Variants in NEMP2 observed in about 807,000 individuals in gnomAD.
The protein encoded by NEMP2 is nuclear envelope integral membrane protein 2.
Under a neutral mutation model 54.2 loss-of-function variants are expected in NEMP2, and 53 were observed. That is an observed-to-expected ratio of 0.98 (90% CI 0.78 to 1.23). The LOEUF is 1.23. Among genes scored for constraint, NEMP2 ranks in the 50% most tolerant of loss-of-function variants. The pLI is 0.00. For missense variants in NEMP2, 455 were observed against 511.3 expected, an observed-to-expected ratio of 0.89 and a Z score of 1.06; for synonymous variants, 197 against 190.3, an observed-to-expected ratio of 1.04 and a Z score of -0.29.
chr2:190,539,197 G>T (rs770568919), upstream of NEMP2, among the ~76,000 whole-genome samples: 1 of 152,090 alleles, frequency 6.6e-6, no homozygotes, highest in Non-Finnish European at 1.5e-5. The surrounding 1 kb of genome is among the most constrained non-coding windows in gnomAD (Gnocchi z 4.1). Flanking sequence ...ACATTTTATT[G>T]AAGAGACTCT....
rs746830937 is a variant in NEMP2, at chr2:190,528,524, C to A, written c.98-3146G>T. On this transcript the variant is annotated intron_variant, in intron 1 of 8. Transcript: ENST00000409150. This position sits in a 1 kb window ranked among gnomAD's most constrained non-coding sequence, Gnocchi z 4.3. ...TGAAGAGCATGAAGTCTCAGGTACACGGACCCAGCAGCCCAAACTATGATA... is the reference window on the plus strand; with the variant it reads ...TGAAGAGCATGAAGTCTCAGGTACAAGGACCCAGCAGCCCAAACTATGATA... Among the ~76,000 whole-genome samples the A allele has an allele frequency of 6.6e-6, 1 of 152,122 alleles. No individual in the cohort carries two copies. The highest frequency in any genetic ancestry group is 2.4e-5 in the African/African-American group (1 of 41,412).
chr2:190,572,843 A>G, the NEMP2 span, among the ~76,000 whole-genome samples: 2 of 85,974 alleles, frequency 2.3e-5, no homozygotes, highest in African/African-American at 8.6e-5. Flanking sequence ...GTATATATAT[A>G]TATATATATA....
At chr2:190,567,411 T>C in the NEMP2 span, among the ~76,000 whole-genome samples, 95 of 151,638 alleles carry the variant, frequency 6.3e-4, no homozygotes, top group African/African-American at 2.3e-3. This position sits in a 1 kb window ranked among gnomAD's most constrained non-coding sequence, Gnocchi z 4.0. Context: ...TGTCTAAAAA[T>C]CGAAGGTACC....
At chr2:190,549,302 T>C in the NEMP2 span, among the ~76,000 whole-genome samples, 2 of 152,260 alleles carry the variant, frequency 1.3e-5, no homozygotes, top group African/African-American at 4.8e-5. Flanking sequence ...TTAGGAACTA[T>C]TGATATCTAG....
chr2:190,578,551 G>T, the NEMP2 span, among the ~76,000 whole-genome samples: 1 of 152,160 alleles, frequency 6.6e-6, no homozygotes, highest in Admixed American at 6.5e-5. The surrounding 1 kb of genome is among the most constrained non-coding windows in gnomAD (Gnocchi z 4.4). Flanking sequence ...ATGAAAAGAA[G>T]AGGAAGTGTG....
chr2:190,489,291 C>CAT, the NEMP2 span, among the ~76,000 whole-genome samples: 9 of 152,126 alleles, frequency 5.9e-5, no homozygotes, highest in African/African-American at 1.7e-4. This position sits in a 1 kb window ranked among gnomAD's most constrained non-coding sequence, Gnocchi z 6.6. Context: ...TTATTAGAAA[C>CAT]ATAGGAGCTG....
rs1691110354 is a variant in NEMP2, at chr2:190,530,615, G to C, written c.97+3944C>G. On this transcript the variant is annotated intron_variant, in intron 1 of 8. Coordinates refer to ENST00000409150, the MANE Select transcript of NEMP2 (RefSeq NM_001142645.2). This position sits in a 1 kb window ranked among gnomAD's most constrained non-coding sequence, Gnocchi z 4.6. ...GATTATAAAGGCTGTATCTTTCTTA[G>C]GTCTCTCCTCCCTTTAGCAATCTTC... is the stretch of plus-strand genomic sequence containing the variant. Among the ~76,000 whole-genome samples, 2 of 152,108 alleles carry C rather than the reference G, an allele frequency of 1.3e-5. No individual in the cohort carries two copies. Among genetic ancestry groups the C allele is most frequent in the African/African-American group, 4.8e-5 (2 of 41,412 alleles).
the NEMP2 span, chr2:190,497,805 CA>C: frequency 2.1e-6 from 3 of 1,428,928 alleles, no homozygotes; most frequent in African/African-American, 2.9e-5. This position sits in a 1 kb window ranked among gnomAD's most constrained non-coding sequence, Gnocchi z 5.2. Flanking sequence ...ACTTTTCATT[CA>C]ACAAGATTTA....
chr2:190,513,045 T>C lies in NEMP2; in HGVS notation c.953+1408A>G, dbSNP rs1690424324. On this transcript the variant is annotated intron_variant, in intron 7 of 8. Coordinates refer to ENST00000409150, the MANE Select transcript of NEMP2 (RefSeq NM_001142645.2). This position sits in a 1 kb window ranked among gnomAD's most constrained non-coding sequence, Gnocchi z 5.3. ...CTCATGGTCCTACCCTAGGCCCTCA[T>C]CAGCTCTCGCCTGGACCACTGTGAT... is the stretch of plus-strand genomic sequence containing the variant. Among the ~76,000 whole-genome samples, 1 of 152,148 alleles carries C rather than the reference T, an allele frequency of 6.6e-6. No individual in the cohort carries two copies. The highest frequency in any genetic ancestry group is 1.5e-5 in the Non-Finnish European group (1 of 68,012).
chr2:190,499,575 G>T (rs1689915099), downstream of NEMP2, among the ~76,000 whole-genome samples: 1 of 152,204 alleles, frequency 6.6e-6, no homozygotes, highest in Admixed American at 6.5e-5. This position sits in a 1 kb window ranked among gnomAD's most constrained non-coding sequence, Gnocchi z 6.0. Flanking sequence ...TGCCTCCAAG[G>T]ATAAGAACCC....
At chr2:190,490,556 C>T in the NEMP2 span, among the ~76,000 whole-genome samples, 1 of 148,924 alleles carries the variant, frequency 6.7e-6, no homozygotes, top group Non-Finnish European at 1.5e-5. This position sits in a 1 kb window ranked among gnomAD's most constrained non-coding sequence, Gnocchi z 4.5. Context: ...GAGCAAGACT[C>T]CCTCTCAAAA....
At chr2:190,633,098 G>A in the NEMP2 span, among the ~76,000 whole-genome samples, 4 of 152,046 alleles carry the variant, frequency 2.6e-5, no homozygotes, top group East Asian at 1.9e-4. Flanking sequence ...GGTCCAGATC[G>A]AATGTCACTT....
In NEMP2 at chr2:190,509,000, TA is replaced by T. The variant is rs2125301018; in HGVS notation, c.*188del. 1.2e-6 allele frequency: 1 copy of T among 808,146 alleles called. No homozygotes were observed. Among genetic ancestry groups the T allele is most frequent in the Non-Finnish European group, 1.9e-6 (1 of 533,294 alleles). The allele number at this position is 808,146 out of a possible 1,614,324, so 50.1% of individuals were successfully genotyped here. ...TGGTATCCACCTACAGTACAATAAG[TA>T]GCAGAAGTCACCAAGAATGCTAAGT... On this transcript the variant is annotated 3_prime_UTR_variant, in exon 9 of 9. Coordinates refer to ENST00000409150, the MANE Select transcript of NEMP2 (RefSeq NM_001142645.2). This position sits in a 1 kb window ranked among gnomAD's most constrained non-coding sequence, Gnocchi z 4.3.
the NEMP2 span, chr2:190,437,514 A>G: frequency 1.2e-6 from 2 of 1,614,154 alleles, no homozygotes; most frequent in Non-Finnish European, 1.7e-6. The surrounding 1 kb of genome is among the most constrained non-coding windows in gnomAD (Gnocchi z 5.9). Flanking sequence ...CTGAGCTGAC[A>G]GCATATTTTT....
At chr2:190,642,599 C>T in the NEMP2 span, among the ~76,000 whole-genome samples, 1 of 152,026 alleles carries the variant, frequency 6.6e-6, no homozygotes, top group Non-Finnish European at 1.5e-5. This position sits in a 1 kb window ranked among gnomAD's most constrained non-coding sequence, Gnocchi z 4.1. Flanking sequence ...TTTATTTAGT[C>T]TACAATACAC....
the NEMP2 span, among the ~76,000 whole-genome samples, chr2:190,578,471 G>A: frequency 1.3e-5 from 2 of 152,060 alleles, no homozygotes; most frequent in African/African-American, 4.8e-5. This position sits in a 1 kb window ranked among gnomAD's most constrained non-coding sequence, Gnocchi z 4.4. Context: ...CCAGGCCCAG[G>A]GAGCAAAGGC....
the NEMP2 span, among the ~76,000 whole-genome samples, chr2:190,423,245 G>C: frequency 6.6e-6 from 1 of 152,236 alleles, no homozygotes; most frequent in African/African-American, 2.4e-5. This position sits in a 1 kb window ranked among gnomAD's most constrained non-coding sequence, Gnocchi z 4.3. Context: ...TCGCCACCAA[G>C]GTCCCTCATG....
chr2:190,572,833 G>GTTCATATATATATATA, the NEMP2 span, among the ~76,000 whole-genome samples: 1 of 47,862 alleles, frequency 2.1e-5, no homozygotes, highest in Non-Finnish European at 3.7e-5. Flanking sequence ...CTTTTCATGA[G>GTTCATATATATATATA]TATATATATA....
chr2:190,567,099 G>A, the NEMP2 span, among the ~76,000 whole-genome samples: 1 of 152,116 alleles, frequency 6.6e-6, no homozygotes, highest in Non-Finnish European at 1.5e-5. This position sits in a 1 kb window ranked among gnomAD's most constrained non-coding sequence, Gnocchi z 4.0. Flanking sequence ...GAAAAATTAT[G>A]AGATTTGTAT....
Sources: gnomAD v4.1 joint callset for allele counts (sites outside exome capture counted in the v4.1 genomes callset) on GRCh38, gnomAD v4.1.1 for gene constraint, Gnocchi (gnomAD v3.1) non-coding constraint, MANE v1.5 for transcripts, NCBI Gene and HGNC (gene_info 2026-07-23, HGNC 2026-07-21) for gene names.